The following VAT1L variants were observed in gnomAD, a reference collection of about 807,000 sequenced individuals.
The protein encoded by VAT1L is vesicle amine transport 1 like.
Under a neutral mutation model 44.1 loss-of-function variants are expected in VAT1L, and 34 were observed. The ratio of observed to expected loss-of-function variants is 0.77; its 90% CI spans 0.59 to 1.03. The LOEUF is 1.03. Ranked by LOEUF, VAT1L falls within the 50% of genes least tolerant of loss-of-function variation. The pLI is 0.00. For missense variants in VAT1L, 615 were observed against 538.8 expected (o/e 1.14, Z -1.40); for synonymous variants, 253 against 202.2 (o/e 1.25, Z -2.13).
intron 8 of VAT1L, among the ~76,000 whole-genome samples, chr16:77,975,194 C>CTTTTTTTTTTTTTTTTTTTTTT (rs35017686): frequency 5.0e-5 from 2 of 39,860 alleles, no homozygotes; most frequent in African/African-American, 2.1e-4. Flanking sequence ...GGAATGACCA[C>CTTTTTTTTTTTTTTTTTTTTTT]TTTTTTTTTT....
rs1567528799 is a variant in VAT1L, at chr16:77,977,728, G to C, written c.*33G>C. The C allele has an allele frequency of 6.2e-7, 1 of 1,603,184 alleles. No homozygotes were observed. The highest frequency in any genetic ancestry group is 2.2e-5 in the East Asian group (1 of 44,718). On this transcript the variant is annotated 3_prime_UTR_variant, in exon 9 of 9. Coordinates refer to ENST00000302536, the MANE Select transcript of VAT1L (RefSeq NM_020927.3). ...CCCAGGTGGGAGAATGTGAAGGATG[G>C]TTTGGAAGATGAGGACCCGGCTGAG...
At chr16:77,808,543 G>C (rs954416137) in intron 1 of VAT1L, among the ~76,000 whole-genome samples, 1 of 152,048 alleles carries the variant, frequency 6.6e-6, no homozygotes, top group Non-Finnish European at 1.5e-5. Context: ...GTTTGGGACC[G>C]TTGCTCTAGA....
chr16:77,796,831 A>G (rs921418482), intron 1 of VAT1L, among the ~76,000 whole-genome samples: 10 of 152,224 alleles, frequency 6.6e-5, no homozygotes, highest in African/African-American at 2.2e-4. Context: ...TTTTGCAGCA[A>G]CATAGATGGA....
At position 77,860,386 on chromosome 16, in the gene VAT1L, C is replaced by T. The variant is rs183745993; in HGVS notation, c.580-2362C>T. ...ATGCCAAAACGATAGAGACCCAAGT[C>T]CAGGACTCAGTGGGCAGCTTGGGAC... On this transcript the variant is annotated intron_variant, in intron 3 of 8. Coordinates refer to ENST00000302536, the MANE Select transcript of VAT1L (RefSeq NM_020927.3). Among the ~76,000 whole-genome samples, 8 of 152,294 alleles carry T rather than the reference C, an allele frequency of 5.3e-5. No homozygotes were observed. In the East Asian group the frequency reaches 1.5e-3, roughly 29 times the overall value.
chr16:77,950,428 A>ACACACACACACG (rs2018028980), intron 7 of VAT1L, among the ~76,000 whole-genome samples: 1 of 151,352 alleles, frequency 6.6e-6, no homozygotes, highest in Non-Finnish European at 1.5e-5. Context: ...ACACACACAC[A>ACACACACACACG]CACACACACA....
chr16:77,945,055 C>G (rs141385798), intron 7 of VAT1L, among the ~76,000 whole-genome samples: 4 of 152,106 alleles, frequency 2.6e-5, no homozygotes, highest in Non-Finnish European at 4.4e-5. Flanking sequence ...AAAAACCTGT[C>G]GGTTGTATGT....
intron 1 of VAT1L, among the ~76,000 whole-genome samples, chr16:77,811,617 T>G (rs1216411305): frequency 6.6e-6 from 1 of 152,136 alleles, no homozygotes; most frequent in African/African-American, 2.4e-5. Flanking sequence ...ACCTCCCTTT[T>G]GCACAAAATG....
At chr16:77,920,954 G>A (rs1468514176) in intron 7 of VAT1L, among the ~76,000 whole-genome samples, 2 of 151,076 alleles carry the variant, frequency 1.3e-5, no homozygotes, top group African/African-American at 2.4e-5. Context: ...TGTGTAGTGT[G>A]TATGTGCATA....
chr16:77,933,624 G>A (rs928035382), intron 7 of VAT1L, among the ~76,000 whole-genome samples: 1 of 152,244 alleles, frequency 6.6e-6, no homozygotes, highest in African/African-American at 2.4e-5. Context: ...GAATAGGGGA[G>A]TCAGGCAAAG....
intron 7 of VAT1L, among the ~76,000 whole-genome samples, chr16:77,929,541 A>G: frequency 6.6e-6 from 1 of 152,206 alleles, no homozygotes. Context: ...TTCAAGTGGA[A>G]GAAAAGAGCC....
chr16:77,790,636 C>T (rs928924944), intron 1 of VAT1L, among the ~76,000 whole-genome samples: 1 of 152,122 alleles, frequency 6.6e-6, no homozygotes, highest in Admixed American at 6.5e-5. Flanking sequence ...CATATATGTG[C>T]ATATACATAT....
chr16:77,939,834 A>C (rs1398105534), intron 7 of VAT1L, among the ~76,000 whole-genome samples: 3 of 152,228 alleles, frequency 2.0e-5, no homozygotes, highest in Non-Finnish European at 1.5e-5. Flanking sequence ...TATAAATTTA[A>C]AACATTTAGC....
intron 6 of VAT1L, among the ~76,000 whole-genome samples, chr16:77,881,024 G>C (rs2017148215): frequency 6.6e-6 from 1 of 152,134 alleles, no homozygotes; most frequent in South Asian, 2.1e-4. Context: ...TTGATTCCAT[G>C]TGTTTGCTAT....
At chr16:77,974,619 A>G (rs1027363209) in intron 8 of VAT1L, among the ~76,000 whole-genome samples, 1 of 152,018 alleles carries the variant, frequency 6.6e-6, no homozygotes, top group Non-Finnish European at 1.5e-5. Flanking sequence ...CTTGAGGGCA[A>G]TGGCACAATC....
At chr16:77,848,454 A>G (rs1404620690) in intron 3 of VAT1L, among the ~76,000 whole-genome samples, 4 of 152,100 alleles carry the variant, frequency 2.6e-5, no homozygotes, top group Non-Finnish European at 5.9e-5. Flanking sequence ...ATGTGGGACT[A>G]TGCCTGGTCC....
Position 77,819,474 on chromosome 16 carries a change from C to T in VAT1L, c.363+2424C>T, listed in dbSNP as rs375438182. On this transcript the variant is annotated intron_variant, in intron 2 of 8. Coordinates refer to ENST00000302536, the MANE Select transcript of VAT1L (RefSeq NM_020927.3). The stretch of plus-strand genomic sequence containing the variant: ...TCAGCTCACTGCAATCTCTGCCTCC[C>T]GGTTTCAAGTGATTCTCCTACCTCA... 1.7e-4 allele frequency among the ~76,000 whole-genome samples: 26 copies of T among 152,204 alleles called. No individual in the cohort carries two copies. The East Asian group carries it at 4.4e-3, about 26-fold the overall frequency.
intron 3 of VAT1L, among the ~76,000 whole-genome samples, chr16:77,845,300 C>G (rs927830994): frequency 6.6e-6 from 1 of 152,136 alleles, no homozygotes; most frequent in Non-Finnish European, 1.5e-5. Context: ...ATGCCACAGG[C>G]GCATCCCTCA....
chr16:77,953,025 G>C (rs1178359086), intron 7 of VAT1L, among the ~76,000 whole-genome samples: 1 of 151,970 alleles, frequency 6.6e-6, no homozygotes, highest in Non-Finnish European at 1.5e-5. Flanking sequence ...TATCAGATTA[G>C]GGTGGACCCT....
chr16:77,959,188 A>C (rs1056539037), intron 7 of VAT1L, among the ~76,000 whole-genome samples: 17 of 152,246 alleles, frequency 1.1e-4, no homozygotes, highest in Middle Eastern at 3.4e-3. Context: ...GCTGCTCTAA[A>C]AAGGAGCTGA....
Sources: allele counts gnomAD v4.1 joint callset (sites outside exome capture counted in the v4.1 genomes callset), GRCh38; gene constraint gnomAD v4.1.1; transcripts MANE v1.5; gene names NCBI Gene and HGNC (gene_info 2026-07-23, HGNC 2026-07-21).